The following RARS2 variants were observed in gnomAD, a reference collection of about 807,000 sequenced individuals.
RARS2 encodes probable arginine--tRNA ligase, mitochondrial.
A neutral mutation model predicts 88.5 loss-of-function variants in RARS2; 67 were observed. The ratio of observed to expected loss-of-function variants is 0.76; its 90% confidence interval spans 0.62 to 0.93. The LOEUF (loss-of-function observed/expected upper bound fraction) is 0.93, where lower values mean the gene tolerates loss of function less well. RARS2 is among the 40% of genes least tolerant of loss of function. The pLI, the probability that RARS2 is intolerant of heterozygous loss-of-function variation, is 0.00. For missense variants in RARS2, 664 were observed against 684.2 expected (o/e 0.97, Z 0.33); for synonymous variants, 239 against 230.3 (o/e 1.04, Z -0.34).
At chr6:87,577,129 G>A (rs1418378730) in intron 1 of RARS2, among the ~76,000 whole-genome samples, 2 of 152,214 alleles carry the variant, frequency 1.3e-5, no homozygotes, top group Non-Finnish European at 2.9e-5. Flanking sequence ...AAGAAAAAAT[G>A]TGAGATAAGA....
intron 4 of RARS2, among the ~76,000 whole-genome samples, chr6:87,562,060 G>T (rs1318710340): frequency 1.3e-5 from 2 of 152,186 alleles, no homozygotes; most frequent in Non-Finnish European, 1.5e-5. Flanking sequence ...AAACTCCCAG[G>T]CTCAAGCGAT....
chr6:87,547,165 G>T (rs778686736), intron 6 of RARS2, among the ~76,000 whole-genome samples: 1 of 152,084 alleles, frequency 6.6e-6, no homozygotes, highest in Non-Finnish European at 1.5e-5. Flanking sequence ...ATCTCTAACT[G>T]GTCCAAATAT....
intron 17 of RARS2, 43 bp from the exon 18 acceptor site, chr6:87,516,923 A>T: frequency 6.2e-7 from 1 of 1,609,962 alleles, no homozygotes; most frequent in Non-Finnish European, 8.5e-7. Context: ...GACTGTACAC[A>T]TTACACTAAG....
At chr6:87,521,565 T>A (rs1562068367) in intron 11 of RARS2, 41 bp from the exon 12 acceptor site, 7 of 1,511,328 alleles carry the variant, frequency 4.6e-6, no homozygotes, top group Non-Finnish European at 6.4e-6. Context: ...ACTAAGCAGA[T>A]CCGGGTAATA....
At position 87,564,139 on chromosome 6, in the gene RARS2, T is replaced by C. The variant is rs776299426; in HGVS notation, c.204A>G (p.Leu68=). The change falls in exon 3 of 20, where the codon CTA becomes CTG. Residue 68 remains leucine (L), a synonymous_variant. Coordinates refer to ENST00000369536, the MANE Select transcript of RARS2 (RefSeq NM_020320.5). ...AATAGTGCTAACGTACCTTCTCTGC[T>C]AGTCTCTTGGCTTGAACTTGAATAT... ...RPDIQVQAKR[L]AEKLRCDTVV... 7 of 1,605,068 alleles carry C rather than the reference T, an allele frequency of 4.4e-6. No individual in the cohort carries two copies. The Admixed American group carries it at 1.2e-4, about 27-fold the overall frequency.
At chr6:87,573,118 AAAG>A (rs1228315380) in intron 1 of RARS2, among the ~76,000 whole-genome samples, 25 of 152,212 alleles carry the variant, frequency 1.6e-4, no homozygotes, top group African/African-American at 5.8e-4. Flanking sequence ...TTCATGAGGA[AAAG>A]AAGTTTACTT....
chr6:87,531,393 T>C lies in RARS2; in HGVS notation c.613-451A>G, dbSNP rs1777483360. Among the ~76,000 whole-genome samples the C allele has an allele frequency of 5.3e-5, 8 of 152,148 alleles. 1 individual carries two copies. The South Asian group carries it at 1.4e-3, about 28-fold the overall frequency. The stretch of plus-strand genomic sequence containing the variant: ...CCATATTATTATCCTGTAACTTCGC[T>C]GAAAAAGGTTGAATAAAGTAGGATG... On this transcript the variant is annotated intron_variant, in intron 8 of 19. Transcript: ENST00000369536.
At chr6:87,557,995 G>A (rs1409641283) in intron 4 of RARS2, among the ~76,000 whole-genome samples, 2 of 152,042 alleles carry the variant, frequency 1.3e-5, no homozygotes, top group Non-Finnish European at 2.9e-5. Flanking sequence ...GACCAACATG[G>A]TGAAACCCCA....
At chr6:87,516,657 A>T in intron 18 of RARS2, 149 bp downstream of exon 18, 1 of 1,137,698 alleles carries the variant, frequency 8.8e-7, no homozygotes, top group Non-Finnish European at 1.2e-6. Flanking sequence ...AAGGAACATT[A>T]ACTGCTAATT....
intron 8 of RARS2, among the ~76,000 whole-genome samples, chr6:87,540,239 G>A (rs1230626960): frequency 6.6e-6 from 1 of 151,716 alleles, no homozygotes; most frequent in Non-Finnish European, 1.5e-5. Flanking sequence ...CATGAGATCA[G>A]GAGTTCAAGA....
chr6:87,564,137 G>A lies in RARS2; in HGVS notation c.206C>T (p.Ala69Val), dbSNP rs931001736. The change falls in exon 3 of 20, where the codon GCA (alanine) becomes GTA (valine). Residue 69 changes from alanine to valine, a missense_variant. By Grantham distance (64) the Ala-to-Val change is moderately conservative. Coordinates refer to ENST00000369536, the MANE Select transcript of RARS2 (RefSeq NM_020320.5). ...PDIQVQAKRL[A>V]EKLRCDTVVS... ...ATAATAGTGCTAACGTACCTTCTCT[G>A]CTAGTCTCTTGGCTTGAACTTGAAT... The A allele has an allele frequency of 3.7e-6, 6 of 1,603,114 alleles. No homozygotes were observed. Among genetic ancestry groups the A allele is most frequent in the Non-Finnish European group, 5.1e-6 (6 of 1,170,078 alleles).
chr6:87,545,672 GCTT>G lies in RARS2; in HGVS notation c.476_478del (p.Glu159del), dbSNP rs1189184093. The G allele has an allele frequency of 1.1e-5, 17 of 1,613,350 alleles. No homozygotes were observed. Among genetic ancestry groups the G allele is most frequent in the Non-Finnish European group, 1.4e-5 (16 of 1,179,814 alleles). On this transcript the variant is annotated inframe_deletion, in exon 7 of 20. Transcript: ENST00000369536. ...TATTCTTATTACTTGATGTCCTAAA[GCTT>G]CTTTGAGATTTGCTATAAAATTTCC...
At chr6:87,515,665 C>CTAAG (rs1377989102) in intron 18 of RARS2, among the ~76,000 whole-genome samples, 1 of 24,906 alleles carries the variant, frequency 4.0e-5, no homozygotes, top group Non-Finnish European at 6.7e-5. Flanking sequence ...TGGGTAGAAA[C>CTAAG]TATCCACTCT....
chr6:87,514,237 G>T lies in RARS2; in HGVS notation c.*176C>A. On this transcript the variant is annotated 3_prime_UTR_variant, in exon 20 of 20. Coordinates refer to ENST00000369536, the MANE Select transcript of RARS2 (RefSeq NM_020320.5). ...GAGGCAGGAGAATTGCTTGAACCTG[G>T]GAGGTGGAGGTTGCAGTGAGCCAAC... The T allele has an allele frequency of 2.2e-6, 1 of 456,818 alleles. No individual in the cohort carries two copies. Among genetic ancestry groups the T allele is most frequent in the Non-Finnish European group, 4.0e-6 (1 of 249,168 alleles). The allele number at this position is 456,818 out of a possible 1,614,324, so 28.3% of individuals were successfully genotyped here. A position where few individuals can be genotyped will look rare whatever the true frequency, so the allele number is the denominator to read the frequency against.
chr6:87,583,226 T>A (rs1453424564), intron 1 of RARS2, among the ~76,000 whole-genome samples: 2 of 152,232 alleles, frequency 1.3e-5, no homozygotes, highest in Non-Finnish European at 2.9e-5. Flanking sequence ...GATATGGAGT[T>A]GTTGGTACTA....
chr6:87,562,667 G>C, intron 4 of RARS2, 35 bp downstream of exon 4: 1 of 1,498,696 alleles, frequency 6.7e-7, no homozygotes, highest in South Asian at 1.1e-5. Flanking sequence ...CAGACAGAAT[G>C]AAAGCACAAT....
intron 1 of RARS2, among the ~76,000 whole-genome samples, chr6:87,579,271 C>T (rs1772624230): frequency 6.6e-6 from 1 of 152,046 alleles, no homozygotes. Flanking sequence ...CGCCTGGCTC[C>T]CATGTGCAAA....
At chr6:87,553,986 GCT>G (rs578153024) in intron 5 of RARS2, among the ~76,000 whole-genome samples, 298 of 152,194 alleles carry the variant, frequency 2.0e-3, no homozygotes, top group African/African-American at 6.9e-3. Flanking sequence ...CATAAAACCC[GCT>G]CTTTCTCTGA....
chr6:87,548,762 C>G (rs1783423329), intron 5 of RARS2, 116 bp from the exon 6 acceptor site: 1 of 899,094 alleles, frequency 1.1e-6, no homozygotes, highest in Non-Finnish European at 1.7e-6. Context: ...GGTATTAGGG[C>G]AAAGATAAGT....
Sources: allele counts gnomAD v4.1 joint callset (sites outside exome capture counted in the v4.1 genomes callset), GRCh38; gene constraint gnomAD v4.1.1; transcripts MANE v1.5; gene names NCBI Gene and HGNC (gene_info 2026-07-23, HGNC 2026-07-21).